Variants in TRIM2 observed in about 807,000 individuals in gnomAD.
TRIM2 encodes the protein tripartite motif containing 2.
In TRIM2, 20 loss-of-function variants were observed where a neutral mutation model predicts 75.2. That is an observed-to-expected ratio of 0.27 (90% CI 0.19 to 0.39). TRIM2 has a LOEUF of 0.39. TRIM2 is among the 10% of genes least tolerant of loss of function. The pLI is 1.00. For synonymous variants in TRIM2, 373 were observed against 388.3 expected (o/e 0.96, Z 0.46); for missense variants, 660 against 990.8 (o/e 0.67, Z 4.48).
intron 3 of TRIM2, among the ~76,000 whole-genome samples, chr4:153,278,701 A>C: frequency 6.6e-6 from 1 of 151,620 alleles, no homozygotes; most frequent in South Asian, 2.1e-4. Flanking sequence ...TCAGAGGCTG[A>C]GGTAGGAGGA....
At chr4:153,308,495 C>G in intron 6 of TRIM2, 1 of 765,050 alleles carries the variant, frequency 1.3e-6, no homozygotes, top group South Asian at 1.3e-5. Context: ...CCAGATAAGG[C>G]TGACTTAAGT....
At chr4:153,263,193 G>A (rs900867242) in intron 1 of TRIM2, among the ~76,000 whole-genome samples, 1 of 152,164 alleles carries the variant, frequency 6.6e-6, no homozygotes, top group Non-Finnish European at 1.5e-5. Context: ...GCTGGGTGTG[G>A]TGGTGCCCAC....
At chr4:153,271,722 C>T (rs1241017838) in intron 2 of TRIM2, among the ~76,000 whole-genome samples, 1 of 151,950 alleles carries the variant, frequency 6.6e-6, no homozygotes, top group Admixed American at 6.6e-5. Context: ...TTCCTCCATC[C>T]CCTTAATGGG....
intron 1 of TRIM2, among the ~76,000 whole-genome samples, chr4:153,181,895 G>A (rs1732102481): frequency 1.3e-5 from 2 of 152,166 alleles, no homozygotes; most frequent in African/African-American, 4.8e-5. Flanking sequence ...AGAAGACAGA[G>A]GTTCCTACCC....
At chr4:153,331,921 A>T (rs1215591855) in intron 11 of TRIM2, among the ~76,000 whole-genome samples, 1 of 152,234 alleles carries the variant, frequency 6.6e-6, no homozygotes, top group Admixed American at 6.5e-5. Flanking sequence ...AACAAATGGG[A>T]CTGGAACAAC....
intron 1 of TRIM2, among the ~76,000 whole-genome samples, chr4:153,268,062 C>T (rs932056305): frequency 3.3e-5 from 5 of 152,086 alleles, no homozygotes; most frequent in Non-Finnish European, 5.9e-5. Context: ...GGAGTCAAAG[C>T]GAGGTTTTCT....
intron 1 of TRIM2, among the ~76,000 whole-genome samples, chr4:153,168,328 GT>G (rs1730515526): frequency 6.6e-6 from 1 of 152,076 alleles, no homozygotes; most frequent in African/African-American, 2.4e-5. Context: ...AAATTGTTTT[GT>G]TTTAATAGGC....
At chr4:153,244,217 C>G (rs1302838779) in intron 1 of TRIM2, among the ~76,000 whole-genome samples, 1 of 81,924 alleles carries the variant, frequency 1.2e-5, no homozygotes, top group Non-Finnish European at 2.5e-5. Context: ...CTTCTCCTTC[C>G]TCTTCTCCTC....
intron 6 of TRIM2, among the ~76,000 whole-genome samples, chr4:153,297,206 T>A (rs1304021362): frequency 4.6e-5 from 7 of 152,104 alleles, no homozygotes; most frequent in Non-Finnish European, 2.9e-5. Flanking sequence ...GACGGTGATA[T>A]GATATGTAAC....
chr4:153,178,091 C>T lies in TRIM2; in HGVS notation c.-49+24821C>T, dbSNP rs191897292. Among the ~76,000 whole-genome samples the T allele has an allele frequency of 1.7e-3, 259 of 152,176 alleles. 1 individual carries two copies. Among genetic ancestry groups the T allele is most frequent in the Non-Finnish European group, 3.2e-3 (220 of 68,014 alleles). On this transcript the variant is annotated intron_variant, in intron 1 of 11. Coordinates refer to the TRIM2 transcript ENST00000437508. ...TGTTGGGATTACAGCTGTGAGCCAC[C>T]GCACCTGGCCATGATTAGCAGTTTC...
At chr4:153,221,975 GAA>G (rs1740452535) in intron 1 of TRIM2, among the ~76,000 whole-genome samples, 2 of 70,154 alleles carry the variant, frequency 2.9e-5, no homozygotes, top group Non-Finnish European at 6.1e-5. Context: ...AGGAAGGGAG[GAA>G]GGAAGGAAGG....
chr4:153,257,937 A>G (rs765960940), intron 1 of TRIM2, among the ~76,000 whole-genome samples: 1 of 152,180 alleles, frequency 6.6e-6, no homozygotes, highest in Non-Finnish European at 1.5e-5. Flanking sequence ...ATTAACAAGT[A>G]TGGGGAGAAA....
chr4:153,182,780 T>C (rs1439856752), intron 1 of TRIM2, among the ~76,000 whole-genome samples: 1 of 152,210 alleles, frequency 6.6e-6, no homozygotes, highest in Non-Finnish European at 1.5e-5. Flanking sequence ...GTCATTCCCC[T>C]TTTTGTTCCT....
intron 6 of TRIM2, 22 bp from the exon 7 acceptor site, chr4:153,315,463 A>T (rs746476982): frequency 2.5e-6 from 4 of 1,573,498 alleles, no homozygotes; most frequent in Non-Finnish European, 3.5e-6. Flanking sequence ...CTTAATTTTT[A>T]TGATTTTATC....
intron 1 of TRIM2, chr4:153,223,160 C>G (rs1741135984): frequency 6.6e-6 from 1 of 152,372 alleles, no homozygotes; most frequent in African/African-American, 2.4e-5. Flanking sequence ...GGCTGGCAGC[C>G]GGCCTGGAGC....
intron 3 of TRIM2, among the ~76,000 whole-genome samples, chr4:153,278,116 T>G (rs2150070496): frequency 6.6e-6 from 1 of 152,226 alleles, no homozygotes; most frequent in Non-Finnish European, 1.5e-5. Context: ...GTTTTTGTTT[T>G]TGTTTCTGAG....
intron 1 of TRIM2, among the ~76,000 whole-genome samples, chr4:153,188,100 A>G (rs1732794391): frequency 6.6e-6 from 1 of 152,180 alleles, no homozygotes; most frequent in African/African-American, 2.4e-5. Context: ...AGAAGCTCTA[A>G]ATCATAAGAA....
intron 8 of TRIM2, among the ~76,000 whole-genome samples, chr4:153,321,095 T>G (rs1768872847): frequency 6.6e-6 from 1 of 152,186 alleles, no homozygotes; most frequent in Admixed American, 6.5e-5. Context: ...TGCTGTGGCG[T>G]CATCAAGTTT....
chr4:153,172,343 G>A (rs868115697), intron 1 of TRIM2, among the ~76,000 whole-genome samples: 11 of 151,996 alleles, frequency 7.2e-5, no homozygotes, highest in South Asian at 6.2e-4. Flanking sequence ...GCCCGCCACC[G>A]CGCCCGGCTA....
Sources: gnomAD v4.1 joint callset for allele counts (sites outside exome capture counted in the v4.1 genomes callset) on GRCh38, gnomAD v4.1.1 for gene constraint, MANE v1.5 for transcripts, NCBI Gene and HGNC (gene_info 2026-07-23, HGNC 2026-07-21) for gene names.